Variants in GUSB observed in about 807,000 individuals in gnomAD.
GUSB encodes beta-glucuronidase.
In GUSB, 51 loss-of-function variants were observed where a neutral mutation model predicts 74.6. The ratio of observed to expected loss-of-function variants is 0.68; its 90% CI spans 0.55 to 0.86. The LOEUF is 0.86. GUSB is among the 40% of genes least tolerant of loss of function. The probability of loss-of-function intolerance (pLI) is 0.00; values close to 1 mark genes in which losing one functional copy is unlikely to be tolerated. For missense variants in GUSB, 736 were observed against 853.7 expected, an observed-to-expected ratio of 0.86 and a Z score of 1.72; for synonymous variants, 360 against 348.3, an observed-to-expected ratio of 1.03 and a Z score of -0.37.
intron 11 of GUSB, among the ~76,000 whole-genome samples, chr7:65,961,614 A>G (rs2115807424): frequency 6.6e-6 from 1 of 152,344 alleles, no homozygotes; most frequent in East Asian, 1.9e-4. Flanking sequence ...CAACGCCTGT[A>G]ATCCCAGTGC....
chr7:65,978,911 G>A (rs1039811018), intron 4 of GUSB, among the ~76,000 whole-genome samples: 2 of 152,076 alleles, frequency 1.3e-5, no homozygotes, highest in Admixed American at 6.6e-5. Context: ...TGGGACTACC[G>A]GCACACATCA....
Position 65,974,344 on chromosome 7 carries a change from C to G in GUSB, c.1342G>C (p.Val448Leu). ...AGGTGGGACGCAGGCTCGTTGGCCACAGACCACATCACGACCGCGGGGTGG... is the reference window on the plus strand; with the variant it reads ...AGGTGGGACGCAGGCTCGTTGGCCAGAGACCACATCACGACCGCGGGGTGG... ...KNHPAVVMWS[V>L]ANEPASHLES... is the part of the protein sequence containing the mutation. Residue 448 changes from valine to leucine, a missense_variant, in exon 8 of 12, where the codon GTG becomes CTG. By Grantham distance (32) the Val-to-Leu change is conservative. Transcript: ENST00000304895. 1 of 1,614,164 alleles carries G rather than the reference C, an allele frequency of 6.2e-7. No individual in the cohort carries two copies. Among genetic ancestry groups the G allele is most frequent in the Non-Finnish European group, 8.5e-7 (1 of 1,180,028 alleles).
intron 11 of GUSB, among the ~76,000 whole-genome samples, chr7:65,963,517 C>CA (rs1316667469): frequency 6.6e-6 from 1 of 152,168 alleles, no homozygotes; most frequent in African/African-American, 2.4e-5. Flanking sequence ...TCCATCCTCA[C>CA]AAGACACCGC....
chr7:65,979,957 G>A, intron 2 of GUSB, 46 bp from the exon 3 acceptor site: 3 of 1,473,572 alleles, frequency 2.0e-6, no homozygotes, highest in South Asian at 1.2e-5. Context: ...GTCAGGGCAT[G>A]AGGAGGCGCC....
chr7:65,964,299 C>G (rs1307046796), intron 11 of GUSB, 24 bp downstream of exon 11: 2 of 1,603,234 alleles, frequency 1.2e-6, no homozygotes, highest in Non-Finnish European at 1.7e-6. Flanking sequence ...GGTACGTTAT[C>G]CCATGAGCCA....
chr7:65,976,841 C>A (rs1309923900), intron 4 of GUSB, among the ~76,000 whole-genome samples: 1 of 151,804 alleles, frequency 6.6e-6, no homozygotes, highest in Non-Finnish European at 1.5e-5. Context: ...ACTTGGGAGG[C>A]TGAAGTGGGA....
At chr7:65,977,198 TG>T (rs1367111564) in intron 4 of GUSB, among the ~76,000 whole-genome samples, 4 of 152,086 alleles carry the variant, frequency 2.6e-5, no homozygotes, top group African/African-American at 9.7e-5. Context: ...TTTTTTGAGA[TG>T]GGGGTGTCAC....
chr7:65,969,816 G>A (rs935147541), intron 9 of GUSB, among the ~76,000 whole-genome samples: 1 of 152,156 alleles, frequency 6.6e-6, no homozygotes. Context: ...GCCAGGTGTG[G>A]GCCAGATGAA....
chr7:65,970,816 A>G (rs769626988), intron 8 of GUSB, among the ~76,000 whole-genome samples: 10 of 151,852 alleles, frequency 6.6e-5, no homozygotes, highest in Non-Finnish European at 1.3e-4. Flanking sequence ...GTGAACCCAG[A>G]AGGAGGAGTC....
intron 8 of GUSB, 48 bp from the exon 9 acceptor site, chr7:65,970,414 C>T (rs1457892889): frequency 1.7e-6 from 2 of 1,177,980 alleles, no homozygotes; most frequent in Non-Finnish European, 2.5e-6. Context: ...CCAGGAATGG[C>T]TCAGACACCC....
In GUSB at chr7:65,974,449, C is replaced by T; in HGVS notation, c.1245-8G>A. The T allele has an allele frequency of 1.9e-6, 3 of 1,614,120 alleles. No individual in the cohort carries two copies. Among genetic ancestry groups the T allele is most frequent in the South Asian group, 2.2e-5 (2 of 91,086 alleles). ...ACGTTGTTGAAGAACTGCCTGCGGG[C>T]CAGGAGGGAAGGGACAGAGGGTCAC... On this transcript the variant is annotated splice_polypyrimidine_tract_variant and splice_region_variant and intron_variant, in intron 7 of 11. Transcript: ENST00000304895.
chr7:65,973,698 A>G (rs1156245458), intron 8 of GUSB, among the ~76,000 whole-genome samples: 2 of 152,226 alleles, frequency 1.3e-5, no homozygotes, highest in African/African-American at 2.4e-5. Flanking sequence ...CAGAGGTTGC[A>G]GTGAGCTGAG....
intron 10 of GUSB, among the ~76,000 whole-genome samples, chr7:65,965,535 T>G (rs1322467170): frequency 1.3e-5 from 2 of 152,200 alleles, no homozygotes; most frequent in Admixed American, 1.3e-4. Flanking sequence ...AAGTTTGTTT[T>G]TTTTTATTTT....
In GUSB at chr7:65,979,869, G is replaced by C; in HGVS notation, c.439C>G (p.Leu147Val). Residue 147 changes from leucine to valine, a missense_variant, in exon 3 of 12, where the codon CTC (leucine) becomes GTC (valine). This residue lies in a region of GUSB where 368 missense variants were observed against 363.8 expected (regional missense o/e 1.01). Coordinates refer to ENST00000304895, the MANE Select transcript of GUSB (RefSeq NM_000181.4). Reference protein sequence around the residue: ...VDTLEHEGGYLPFEADISNLV... With the variant: ...VDTLEHEGGYVPFEADISNLV... ...TTGCTGATGTCGGCCTCGAAGGGGA[G>C]GTAGCCCCCCTCATGCTCTAGCGTG... The C allele has an allele frequency of 6.2e-7, 1 of 1,612,502 alleles. No individual in the cohort carries two copies. Among genetic ancestry groups the C allele is most frequent in the Non-Finnish European group, 8.5e-7 (1 of 1,179,690 alleles).
At chr7:65,976,461 G>C (rs1288696974) in intron 4 of GUSB, among the ~76,000 whole-genome samples, 1 of 151,952 alleles carries the variant, frequency 6.6e-6, no homozygotes, top group African/African-American at 2.4e-5. Context: ...AAGTACCTGG[G>C]ATTATAGACG....
chr7:65,962,070 G>A (rs1790536975), intron 11 of GUSB, among the ~76,000 whole-genome samples: 2 of 152,088 alleles, frequency 1.3e-5, no homozygotes, highest in African/African-American at 2.4e-5. Flanking sequence ...TGGGTACCCA[G>A]CTGTCTGGTA....
At chr7:65,975,350 C>T (rs1206450801) in intron 5 of GUSB, 2 of 487,290 alleles carry the variant, frequency 4.1e-6, no homozygotes, top group African/African-American at 2.0e-5. Context: ...AGTTGAAGAC[C>T]AGCCTGCTGA....
intron 5 of GUSB, 22 bp downstream of exon 5, chr7:65,975,993 G>A (rs370555813): frequency 1.2e-6 from 2 of 1,607,530 alleles, no homozygotes; most frequent in Admixed American, 3.3e-5. Flanking sequence ...CCTCCCTTAG[G>A]CATGTCCCAA....
intron 10 of GUSB, among the ~76,000 whole-genome samples, chr7:65,967,025 G>A (rs1055880250): frequency 1.3e-5 from 2 of 152,212 alleles, no homozygotes; most frequent in Non-Finnish European, 2.9e-5. Context: ...GCAAGCGAGG[G>A]CAGTGGAAAC....
Sources: allele counts gnomAD v4.1 joint callset (sites outside exome capture counted in the v4.1 genomes callset), GRCh38; gene constraint gnomAD v4.1.1; regional missense constraint gnomAD v4.1.1; transcripts MANE v1.5; gene names NCBI Gene and HGNC (gene_info 2026-07-23, HGNC 2026-07-21).